PHF8: variants seen among roughly 807,000 people sequenced by gnomAD.
The protein encoded by PHF8 is PHD finger protein 8.
Under a neutral mutation model 74.4 loss-of-function variants are expected in PHF8, and 9 were observed. The observed-to-expected ratio is 0.12, with a 90% CI of 0.07 to 0.21. The LOEUF (loss-of-function observed/expected upper bound fraction) is 0.21. PHF8 is among the 10% of genes least tolerant of loss of function. The pLI is 1.00. For synonymous variants in PHF8, 311 were observed against 316.6 expected (o/e 0.98, Z 0.19); for missense variants, 478 against 816.6 (o/e 0.59, Z 5.05).
intron 20 of PHF8, chrX:53,943,106 A>G: frequency 1.2e-6 from 1 of 835,463 alleles, no homozygotes; most frequent in Non-Finnish European, 1.5e-6. Flanking sequence ...AAAGGCACTA[A>G]GAGTAATTTT....
rs138652719 is a variant in PHF8, at chrX:53,993,843, G to A, written c.1384C>T (p.Pro462Ser). The A allele has an allele frequency of 5.5e-5, 66 of 1,206,553 alleles. No individual in the cohort carries two copies. Among genetic ancestry groups the A allele is most frequent in the Non-Finnish European group, 7.4e-5 (66 of 891,867 alleles). Residue 462 changes from proline to serine, a missense_variant, in exon 13 of 22, where the codon CCA (proline) becomes TCA (serine). Around this residue, in one of 9 missense-constraint regions of PHF8, gnomAD observed 153 missense variants for 164.8 expected, o/e 0.93. Coordinates refer to ENST00000338154, the MANE Select transcript of PHF8 (RefSeq NM_015107.3). ...CTGGTTAGGGGAATGGAGCCGGCTGGGAAGATCCTCTGCAGCCCAAAGATA... is the reference window on the plus strand; with the variant it reads ...CTGGTTAGGGGAATGGAGCCGGCTGAGAAGATCCTCTGCAGCCCAAAGATA... Reference protein sequence around the residue: ...SNIFGLQRIFPAGSIPLTRPA... With the variant: ...SNIFGLQRIFSAGSIPLTRPA...
At chrX:53,993,384 G>A (rs1192284480) in intron 13 of PHF8, among the ~76,000 whole-genome samples, 2 of 111,740 alleles carry the variant, frequency 1.8e-5, no homozygotes, top group Non-Finnish European at 3.8e-5. Context: ...TTTCTCACTC[G>A]CCTGTCAGCC....
chrX:53,956,746 G>A (rs781815508), intron 19 of PHF8, among the ~76,000 whole-genome samples: 5 of 109,276 alleles, frequency 4.6e-5, no homozygotes, highest in African/African-American at 6.7e-5. Flanking sequence ...TATATAAAAT[G>A]GGCAACTCGA....
At chrX:54,029,149 G>A (rs2066315132) in intron 2 of PHF8, among the ~76,000 whole-genome samples, 1 of 111,307 alleles carries the variant, frequency 9.0e-6, no homozygotes, top group African/African-American at 3.3e-5. Flanking sequence ...CATCCTTACT[G>A]CCCCTGCGCT....
chrX:53,986,787 A>G (rs1426670341), intron 16 of PHF8, among the ~76,000 whole-genome samples: 1 of 110,797 alleles, frequency 9.0e-6, no homozygotes, highest in African/African-American at 3.3e-5. Flanking sequence ...AATTTTTTTT[A>G]AAGAATTAGC....
intron 1 of PHF8, 35 bp from the exon 2 acceptor site, chrX:54,042,855 AG>A (rs1187726699): frequency 2.0e-5 from 20 of 1,008,769 alleles, no homozygotes; most frequent in Non-Finnish European, 2.7e-5. Context: ...AGAGTGAATC[AG>A]CCCCCGCCCC....
At chrX:54,021,145 G>A (rs1046109258) in intron 4 of PHF8, among the ~76,000 whole-genome samples, 3 of 112,073 alleles carry the variant, frequency 2.7e-5, no homozygotes, top group Admixed American at 9.6e-5. Context: ...CAGTAACATG[G>A]ATGCAGCTGG....
At chrX:53,953,862 C>T (rs1025361772) in intron 19 of PHF8, among the ~76,000 whole-genome samples, 1 of 111,065 alleles carries the variant, frequency 9.0e-6, no homozygotes, top group East Asian at 2.8e-4. Context: ...GCTATCTATA[C>T]AAGACACACA....
chrX:53,985,100 G>C lies in PHF8; in HGVS notation c.2257C>G (p.Arg753Gly). 1.7e-6 allele frequency: 2 copies of C among 1,210,489 alleles called. No homozygotes were observed. Among genetic ancestry groups the C allele is most frequent in the Non-Finnish European group, 2.2e-6 (2 of 894,671 alleles). Reference protein sequence around the residue: ...LQAWWTGGQDRSSGSSSSGLG... With the variant: ...LQAWWTGGQDGSSGSSSSGLG... ...CCACTGCTGGAGCTCCCACTGCTTC[G>C]ATCCTGTCCCCCAGTCCACCAGGCC... Residue 753 changes from arginine to glycine, a missense_variant, in exon 18 of 22, where the codon CGA becomes GGA. By Grantham distance (125) the Arg-to-Gly change is moderately radical (BLOSUM62 -2). Transcript: ENST00000338154.
chrX:53,954,746 T>C (rs1413269072), intron 19 of PHF8, among the ~76,000 whole-genome samples: 5 of 109,418 alleles, frequency 4.6e-5, no homozygotes, highest in Non-Finnish European at 7.6e-5. Flanking sequence ...AGGAAAAGTA[T>C]TTACCGACTG....
intron 19 of PHF8, among the ~76,000 whole-genome samples, chrX:53,945,127 C>T (rs890928418): frequency 5.4e-5 from 6 of 110,288 alleles, no homozygotes; most frequent in Admixed American, 1.9e-4. Flanking sequence ...GGGTGGATCA[C>T]GAGGTCAGGA....
At chrX:54,006,465 G>A (rs2065898326) in intron 8 of PHF8, among the ~76,000 whole-genome samples, 2 of 111,052 alleles carry the variant, frequency 1.8e-5, no homozygotes, top group Non-Finnish European at 3.8e-5. Flanking sequence ...CTGGGTGACA[G>A]AATGAGATTC....
chrX:53,989,822 A>G (rs903985419), intron 14 of PHF8, among the ~76,000 whole-genome samples: 1 of 112,076 alleles, frequency 8.9e-6, no homozygotes, highest in Non-Finnish European at 1.9e-5. Flanking sequence ...GCTCATACAG[A>G]GCTTGATCCA....
In PHF8 at chrX:54,036,598, A is replaced by C. The variant is rs868969383; in HGVS notation, c.98+6033T>G. 5.5e-3 allele frequency among the ~76,000 whole-genome samples: 581 copies of C among 104,725 alleles called. 6 individuals are homozygous for C. Among genetic ancestry groups the C allele is most frequent in the African/African-American group, 0.02 (548 of 28,029 alleles). The allele number at this position is 104,725 out of a possible 115,157, so 90.9% of individuals were successfully genotyped here. A position where few individuals can be genotyped will look rare whatever the true frequency, so the allele number is the denominator to read the frequency against. ...AAAAAAAAAAAAAAAAAAAAAAAAA[A>C]AACTTTTTTTTTTTTTAATGCCTTG... On this transcript the variant is annotated intron_variant, in intron 2 of 21. Transcript: ENST00000338154.
At chrX:54,001,463 C>T (rs1282690380) in intron 10 of PHF8, among the ~76,000 whole-genome samples, 10 of 111,396 alleles carry the variant, frequency 9.0e-5, no homozygotes, top group Non-Finnish European at 1.7e-4. Context: ...GCCAAGATCA[C>T]GCCACTGCAC....
intron 9 of PHF8, 99 bp downstream of exon 9, chrX:54,002,496 A>C (rs2065841456): frequency 1.7e-6 from 1 of 592,727 alleles, no homozygotes; most frequent in African/African-American, 2.2e-5. Context: ...GGAACGAGGA[A>C]CCATTCCTTT....
At chrX:53,974,876 T>A (rs781801603) in intron 18 of PHF8, among the ~76,000 whole-genome samples, 2 of 111,341 alleles carry the variant, frequency 1.8e-5, no homozygotes, top group South Asian at 7.7e-4. Flanking sequence ...CATGGACACA[T>A]GGGAGGCGGG....
At chrX:53,977,174 G>GA (rs782598493) in intron 18 of PHF8, among the ~76,000 whole-genome samples, 2 of 106,851 alleles carry the variant, frequency 1.9e-5, no homozygotes, top group East Asian at 2.9e-4. Context: ...ATCTCTACTA[G>GA]AAAAAAAAAA....
In PHF8 at chrX:53,944,068, C is replaced by G. The variant is rs1557084356; in HGVS notation, c.2649+66G>C. The G allele has an allele frequency of 6.2e-6, 4 of 646,171 alleles. No homozygotes were observed. In the South Asian group the frequency reaches 6.8e-5, roughly 11 times the overall value. 53.3% of individuals were successfully genotyped at this position (646,171 alleles called of 1,213,427 possible). On this transcript the variant is annotated intron_variant, in intron 20 of 21. Transcript: ENST00000338154. Reference sequence around the variant, plus strand: ...GGTGGGATCCTATCAGCCTGCAGGTCTAAGTGTTGAGGCTCTAAGTCAAAC... The same window carrying G: ...GGTGGGATCCTATCAGCCTGCAGGTGTAAGTGTTGAGGCTCTAAGTCAAAC...
Sources: gnomAD v4.1 joint callset for allele counts (sites outside exome capture counted in the v4.1 genomes callset) on GRCh38, gnomAD v4.1.1 for gene constraint, gnomAD v4.1.1 regional missense constraint, MANE v1.5 for transcripts, NCBI Gene and HGNC (gene_info 2026-07-23, HGNC 2026-07-21) for gene names.